Variants in SPACA3 observed in about 807,000 individuals in gnomAD.
SPACA3 encodes sperm acrosome associated 3.
Under a neutral mutation model 24.5 loss-of-function variants are expected in SPACA3, and 21 were observed. The observed-to-expected ratio is 0.86, with a 90% CI of 0.61 to 1.24. The LOEUF is 1.24. Among genes scored for constraint, SPACA3 ranks in the 50% most tolerant of loss-of-function variants. The probability of loss-of-function intolerance (pLI) is 0.00; values close to 1 mark genes in which losing one functional copy is unlikely to be tolerated. For missense variants in SPACA3, 278 were observed against 275.5 expected, an observed-to-expected ratio of 1.01 and a Z score of -0.06; for synonymous variants, 115 against 106.9, an observed-to-expected ratio of 1.08 and a Z score of -0.47.
intron 3 of SPACA3, 124 bp from the exon 4 acceptor site, chr17:32,997,320 TG>T (rs2091727956): frequency 5.5e-6 from 4 of 730,884 alleles, no homozygotes; most frequent in Non-Finnish European, 9.0e-6. Flanking sequence ...GGAGTGTGTG[TG>T]TGTGTGTGTG....
Position 32,995,584 on chromosome 17 carries a change from G to A in SPACA3, c.210G>A (p.Met70Ile). 1 of 1,614,192 alleles carries A rather than the reference G, an allele frequency of 6.2e-7. No homozygotes were observed. The highest frequency in any genetic ancestry group is 8.5e-7 in the Non-Finnish European group (1 of 1,180,034). The change falls in exon 2 of 5, where the codon ATG becomes ATA. Residue 70 changes from methionine to isoleucine, a missense_variant. Physicochemically the swap from Met to Ile is conservative, Grantham distance 10 (BLOSUM62 1). Coordinates refer to ENST00000269053, the MANE Select transcript of SPACA3 (RefSeq NM_173847.5). The stretch of plus-strand genomic sequence containing the variant: ...GGCGGTGGTGCCCAGCTGGGATCAT[G>A]TTGTTGGCCCTGGTCTGTCTGCTCA... Reference protein sequence around the residue: ...LRRRWCPAGIMLLALVCLLSC... With the variant: ...LRRRWCPAGIILLALVCLLSC...
At chr17:32,992,928 T>G (rs1350077843) in intron 1 of SPACA3, 3 of 471,086 alleles carry the variant, frequency 6.4e-6, no homozygotes, top group Non-Finnish European at 1.3e-5. Flanking sequence ...AAATTTGTTC[T>G]GATGGATGTG....
At chr17:32,995,228 T>C (rs139549463) in intron 1 of SPACA3, among the ~76,000 whole-genome samples, 181 bp from the exon 2 acceptor site, 86 of 152,306 alleles carry the variant, frequency 5.6e-4, no homozygotes, top group Admixed American at 9.1e-4. Flanking sequence ...ACGTGTAATA[T>C]GGAGCTTACA....
chr17:32,995,767 CTCTT>C, intron 2 of SPACA3, 50 bp downstream of exon 2: 1 of 1,563,656 alleles, frequency 6.4e-7, no homozygotes, highest in South Asian at 1.2e-5. Context: ...ACCTCCCTCC[CTCTT>C]TCCCTCCCTC....
Position 32,995,721 on chromosome 17 carries a change from A to G in SPACA3, c.343+4A>G. ...CGGGGATACAGCCTGGCTGACTGTG[A>G]GAACCCCTCTCCCTGGCGGGCCCTG... On this transcript the variant is annotated splice_donor_region_variant and intron_variant, in intron 2 of 4. Coordinates refer to ENST00000269053, the MANE Select transcript of SPACA3 (RefSeq NM_173847.5). 1 of 1,609,332 alleles carries G rather than the reference A, an allele frequency of 6.2e-7. No individual in the cohort carries two copies. Among genetic ancestry groups the G allele is most frequent in the East Asian group, 2.2e-5 (1 of 44,730 alleles).
intron 2 of SPACA3, 116 bp downstream of exon 2, chr17:32,995,833 T>A: frequency 8.4e-7 from 1 of 1,184,264 alleles, no homozygotes; most frequent in Non-Finnish European, 1.2e-6. Context: ...AGCCCTTCTG[T>A]AAACTGAAGA....
intron 1 of SPACA3, 138 bp from the exon 2 acceptor site, chr17:32,995,271 G>A (rs764323591): frequency 3.4e-5 from 25 of 736,716 alleles, no homozygotes; most frequent in Non-Finnish European, 5.3e-5. Flanking sequence ...TCTGGCCTGG[G>A]TGGTGTGAAG....
intron 1 of SPACA3, among the ~76,000 whole-genome samples, chr17:32,993,970 AG>A (rs2091707527): frequency 6.6e-6 from 1 of 152,038 alleles, no homozygotes; most frequent in Admixed American, 6.5e-5. Context: ...GACGGGGTGG[AG>A]ATGAGGGCGA....
intron 3 of SPACA3, 23 bp from the exon 4 acceptor site, chr17:32,997,422 T>G (rs368850682): frequency 3.1e-5 from 50 of 1,607,162 alleles, no homozygotes; most frequent in Non-Finnish European, 3.7e-5. Context: ...TCTCTCATTG[T>G]GTTTCTCTGC....
intron 1 of SPACA3, among the ~76,000 whole-genome samples, chr17:32,994,485 G>C (rs573922163): frequency 1.3e-4 from 20 of 152,300 alleles, no homozygotes; most frequent in African/African-American, 3.8e-4. Flanking sequence ...GTGGAGGTTG[G>C]AGACCAGGGA....
intron 4 of SPACA3, 61 bp from the exon 5 acceptor site, chr17:32,997,651 G>A: frequency 6.3e-7 from 1 of 1,577,834 alleles, no homozygotes; most frequent in South Asian, 1.1e-5. Flanking sequence ...GTTCTTCTCT[G>A]GGCGGTGACT....
At chr17:32,994,920 C>T (rs963311179) in intron 1 of SPACA3, among the ~76,000 whole-genome samples, 5 of 152,162 alleles carry the variant, frequency 3.3e-5, no homozygotes, top group African/African-American at 1.2e-4. Context: ...GTGGAGGAGA[C>T]TCTCGGGACA....
chr17:32,994,726 C>G (rs919949989), intron 1 of SPACA3, among the ~76,000 whole-genome samples: 1 of 152,038 alleles, frequency 6.6e-6, no homozygotes, highest in African/African-American at 2.4e-5. Context: ...CTGGAGGGGA[C>G]TAGGTCTGGG....
intron 3 of SPACA3, 82 bp downstream of exon 3, chr17:32,997,083 C>T (rs2091726973): frequency 1.4e-6 from 2 of 1,430,922 alleles, no homozygotes; most frequent in Non-Finnish European, 1.9e-6. Flanking sequence ...TTTGCTACCC[C>T]CATCTCTGAG....
At chr17:32,997,089 C>A in intron 3 of SPACA3, 88 bp downstream of exon 3, 2 of 1,405,040 alleles carry the variant, frequency 1.4e-6, no homozygotes, top group Non-Finnish European at 1.9e-6. Context: ...ACCCCCATCT[C>A]TGAGTGAGGG....
Position 32,997,785 on chromosome 17 carries a change from C to T in SPACA3, c.*7C>T, listed in dbSNP as rs200160944. On this transcript the variant is annotated 3_prime_UTR_variant, in exon 5 of 5. Coordinates refer to ENST00000269053, the MANE Select transcript of SPACA3 (RefSeq NM_173847.5). ...GGATGGCTGTGACTTCTAGGATGGA[C>T]GGAACCATGCACAGCAGGCTGGGAA... 3.7e-4 allele frequency: 600 copies of T among 1,614,034 alleles called. 2 individuals are homozygous for T. The highest frequency in any genetic ancestry group is 1.3e-3 in the South Asian group (119 of 91,084).
rs2091727134 is a variant in SPACA3, at chr17:32,997,108, C to T, written c.502+107C>T. 5.3e-6 allele frequency: 7 copies of T among 1,321,314 alleles called. No individual in the cohort carries two copies. The East Asian group carries it at 9.9e-5, about 19-fold the overall frequency. 81.8% of individuals were successfully genotyped at this position (1,321,314 alleles called of 1,614,324 possible). Reference sequence around the variant, plus strand: ...CCATCTCTGAGTGAGGGTTCCCCCACATCAGGCTGGGCCCACGGAGGAGAG... The same window carrying T: ...CCATCTCTGAGTGAGGGTTCCCCCATATCAGGCTGGGCCCACGGAGGAGAG... On this transcript the variant is annotated intron_variant, in intron 3 of 4. Transcript: ENST00000269053.
intron 1 of SPACA3, among the ~76,000 whole-genome samples, chr17:32,994,176 A>G (rs1415760014): frequency 6.6e-6 from 1 of 152,142 alleles, no homozygotes; most frequent in African/African-American, 2.4e-5. Flanking sequence ...GGGAGAGAGA[A>G]GTCTGAGCAG....
intron 2 of SPACA3, 74 bp downstream of exon 2, chr17:32,995,791 C>T (rs1366830171): frequency 2.0e-6 from 3 of 1,494,682 alleles, no homozygotes; most frequent in Non-Finnish European, 2.7e-6. Context: ...CTCTCCTTCT[C>T]ATTCAAGGGC....
Sources: gnomAD v4.1 joint callset for allele counts (sites outside exome capture counted in the v4.1 genomes callset) on GRCh38, gnomAD v4.1.1 for gene constraint, MANE v1.5 for transcripts, NCBI Gene and HGNC (gene_info 2026-07-23, HGNC 2026-07-21) for gene names.